Variants in RBMS3 observed in about 807,000 individuals in gnomAD.
RBMS3 encodes RNA-binding motif, single-stranded-interacting protein 3.
In RBMS3, 27 loss-of-function variants were observed where a neutral mutation model predicts 66.8. That is an observed-to-expected ratio of 0.40 (90% CI 0.30 to 0.56). The LOEUF (loss-of-function observed/expected upper bound fraction) is 0.56, where lower values mean the gene tolerates loss of function less well. RBMS3 is among the 20% of genes least tolerant of loss of function. The pLI is 0.40. For missense variants in RBMS3, 513 were observed against 549.5 expected (o/e 0.93, Z 0.66); for synonymous variants, 188 against 183.0 (o/e 1.03, Z -0.22).
intron 4 of RBMS3, among the ~76,000 whole-genome samples, chr3:29,644,356 T>G (rs890794034): frequency 1.4e-4 from 21 of 152,190 alleles, no homozygotes; most frequent in African/African-American, 5.1e-4. Context: ...AAACAATGCT[T>G]TTATTCCAGT....
At chr3:29,599,221 T>G in intron 4 of RBMS3, among the ~76,000 whole-genome samples, 1 of 151,670 alleles carries the variant, frequency 6.6e-6, no homozygotes, top group East Asian at 1.9e-4. Flanking sequence ...AATAATAACT[T>G]TATTATACAT....
Position 29,648,516 on chromosome 3 carries a change from TC to T in RBMS3, c.399+61313del, listed in dbSNP as rs1444011549. Among the ~76,000 whole-genome samples the T allele has an allele frequency of 8.6e-5, 13 of 152,004 alleles. 1 individual carries two copies. The highest frequency in any genetic ancestry group is 3.1e-4 in the African/African-American group (13 of 41,472). Reference sequence around the variant, plus strand: ...TTGAACTCCTGAGTTCAAGCCATTCTCCTATCTTGGCCTCCCAAAGTGCCGA... The same window carrying T: ...TTGAACTCCTGAGTTCAAGCCATTCTCTATCTTGGCCTCCCAAAGTGCCGA... On this transcript the variant is annotated intron_variant, in intron 4 of 14. Transcript: ENST00000383767.
In RBMS3 at chr3:30,004,112, G is replaced by C. The variant is rs1183903602; in HGVS notation, c.*250G>C. 1 of 316,990 alleles carries C rather than the reference G, an allele frequency of 3.2e-6. No individual in the cohort carries two copies. Among genetic ancestry groups the C allele is most frequent in the South Asian group, 1.6e-4 (1 of 6,326 alleles). The allele number at this position is 316,990 out of a possible 1,614,324, so 19.6% of individuals were successfully genotyped here. ...AATTAAAGAAAAAATTTCCAGAAGA[G>C]GAAAAAAAAACTACAAAAAACAAAA... On this transcript the variant is annotated 3_prime_UTR_variant, in exon 15 of 15. Coordinates refer to ENST00000383767, the MANE Select transcript of RBMS3 (RefSeq NM_001003793.3).
In RBMS3 at chr3:29,992,963, C is replaced by CTAAAAGTTGAGCAAGAAGAGAA. The variant is rs1698982373; in HGVS notation, c.1307+1756_1307+1777dup. ...TCAAGAAGGGGACTCAGTAGCCTGA[C>CTAAAAGTTGAGCAAGAAGAGAA]TAAAAGTTGAGCAAGAAGAGAATCT... On this transcript the variant is annotated intron_variant, in intron 14 of 14. Transcript: ENST00000383767. Among the ~76,000 whole-genome samples, 5 of 152,286 alleles carry CTAAAAGTTGAGCAAGAAGAGAA rather than the reference C, an allele frequency of 3.3e-5. No homozygotes were observed. The East Asian group carries it at 7.7e-4, about 24-fold the overall frequency.
At chr3:29,588,594 A>G (rs991598260) in intron 4 of RBMS3, among the ~76,000 whole-genome samples, 3 of 152,096 alleles carry the variant, frequency 2.0e-5, no homozygotes, top group African/African-American at 4.8e-5. Context: ...TGGTGAACTC[A>G]TTGTCCTTTA....
chr3:29,281,861 T>G (rs1575459276), intron 1 of RBMS3, 105 bp downstream of exon 1: 3 of 871,424 alleles, frequency 3.4e-6, no homozygotes, highest in East Asian at 2.7e-5. Context: ...CCCCCATCAC[T>G]TCTTCCTGCT....
At chr3:29,625,697 A>AAAGTAAGTAAGTAAGTAAGT (rs201650644) in intron 4 of RBMS3, among the ~76,000 whole-genome samples, 25 of 125,018 alleles carry the variant, frequency 2.0e-4, no homozygotes, top group African/African-American at 9.6e-4. Flanking sequence ...AAACGCCATT[A>AAAGTAAGTAAGTAAGTAAGT]AAGTAAATAA....
chr3:29,352,885 T>C (rs897177180), intron 1 of RBMS3, among the ~76,000 whole-genome samples: 1 of 151,862 alleles, frequency 6.6e-6, no homozygotes, highest in Non-Finnish European at 1.5e-5. Context: ...CATAGTGACC[T>C]CCAGTTCCAT....
intron 4 of RBMS3, among the ~76,000 whole-genome samples, chr3:29,704,248 C>T (rs1209496200): frequency 6.6e-6 from 1 of 152,198 alleles, no homozygotes; most frequent in Non-Finnish European, 1.5e-5. Context: ...TTCCACAAAA[C>T]TGGTCCCTGG....
At chr3:29,509,213 T>C (rs1400672594) in intron 3 of RBMS3, among the ~76,000 whole-genome samples, 1 of 152,146 alleles carries the variant, frequency 6.6e-6, no homozygotes, top group Non-Finnish European at 1.5e-5. Context: ...TATGTGGCCA[T>C]AGTGATGGCT....
intron 1 of RBMS3, among the ~76,000 whole-genome samples, chr3:29,393,979 A>G (rs994242095): frequency 2.6e-5 from 4 of 152,212 alleles, no homozygotes; most frequent in Non-Finnish European, 4.4e-5. Context: ...CCCACTGGGC[A>G]TGCATTGTCA....
chr3:29,784,259 C>T (rs1247859123), intron 6 of RBMS3, among the ~76,000 whole-genome samples: 1 of 152,048 alleles, frequency 6.6e-6, no homozygotes, highest in Non-Finnish European at 1.5e-5. Flanking sequence ...TATTCATCAG[C>T]ACATGGAGCA....
intron 6 of RBMS3, among the ~76,000 whole-genome samples, chr3:29,835,050 G>A (rs970122097): frequency 1.3e-5 from 2 of 151,978 alleles, no homozygotes; most frequent in African/African-American, 4.8e-5. Flanking sequence ...AAAGGTCACT[G>A]TATAATGGTA....
chr3:29,973,807 T>A (rs944884413), intron 12 of RBMS3, among the ~76,000 whole-genome samples: 2 of 151,900 alleles, frequency 1.3e-5, no homozygotes, highest in Admixed American at 6.6e-5. Flanking sequence ...CCTCCTTCTT[T>A]CCACACACTT....
chr3:29,956,810 G>A (rs1374313482), intron 12 of RBMS3, among the ~76,000 whole-genome samples: 1 of 152,080 alleles, frequency 6.6e-6, no homozygotes, highest in East Asian at 1.9e-4. Context: ...AACAGGACAT[G>A]TTTGAAATCC....
chr3:29,570,836 A>G (rs2046925765), intron 3 of RBMS3, among the ~76,000 whole-genome samples: 1 of 152,192 alleles, frequency 6.6e-6, no homozygotes, highest in South Asian at 2.1e-4. Context: ...TTTTGGGCAT[A>G]TACTCAGCAA....
intron 4 of RBMS3, among the ~76,000 whole-genome samples, chr3:29,733,343 G>A (rs983319181): frequency 2.1e-4 from 32 of 149,444 alleles, no homozygotes; most frequent in Admixed American, 1.6e-3. Flanking sequence ...GGAGGTGCAC[G>A]TATCTTTTTC....
chr3:29,593,261 T>C (rs1361806079), intron 4 of RBMS3, among the ~76,000 whole-genome samples: 1 of 152,206 alleles, frequency 6.6e-6, no homozygotes, highest in Non-Finnish European at 1.5e-5. Flanking sequence ...AAAGCTACTC[T>C]TCTGAATGCA....
intron 1 of RBMS3, among the ~76,000 whole-genome samples, chr3:29,337,259 T>C (rs1456288733): frequency 6.6e-6 from 1 of 152,102 alleles, no homozygotes; most frequent in Non-Finnish European, 1.5e-5. Flanking sequence ...GTTAAAAAAT[T>C]ATCCCTATTG....
Sources: gnomAD v4.1 joint callset for allele counts (sites outside exome capture counted in the v4.1 genomes callset) on GRCh38, gnomAD v4.1.1 for gene constraint, MANE v1.5 for transcripts, NCBI Gene and HGNC (gene_info 2026-07-23, HGNC 2026-07-21) for gene names.